OPALIN: variants seen among roughly 807,000 people sequenced by gnomAD.
OPALIN encodes transmembrane protein 10.
OPALIN carries 15 observed loss-of-function variants against 17.8 expected under a neutral mutation model. That is an observed-to-expected ratio of 0.84 (90% confidence interval 0.56 to 1.29). The LOEUF (loss-of-function observed/expected upper bound fraction) is 1.29. OPALIN is among the 50% of genes most tolerant of loss of function. OPALIN has a pLI of 0.00. For synonymous variants in OPALIN, 62 were observed against 63.8 expected, an observed-to-expected ratio of 0.97 and a Z score of 0.14; for missense variants, 170 against 176.0, an observed-to-expected ratio of 0.97 and a Z score of 0.19.
intron 1 of OPALIN, among the ~76,000 whole-genome samples, chr10:96,358,186 TAAAAAAAAAAAAAA>T (rs61616596): frequency 1.6e-5 from 1 of 61,590 alleles, no homozygotes; most frequent in African/African-American, 5.1e-5. Context: ...ATGCTTTTTG[TAAAAAAAAAAAAAA>T]AAAAAAAAAA....
intron 4 of OPALIN, 81 bp downstream of exon 4, chr10:96,349,626 T>C (rs1845486484): frequency 7.4e-6 from 11 of 1,481,188 alleles, no homozygotes; most frequent in Non-Finnish European, 1.0e-5. Flanking sequence ...CCCTGAATTC[T>C]GACACCCTTA....
chr10:96,353,060 A>G (rs930935803), intron 2 of OPALIN, among the ~76,000 whole-genome samples: 35 of 152,194 alleles, frequency 2.3e-4, no homozygotes, highest in African/African-American at 8.2e-4. Context: ...CATTTTACAG[A>G]TGAGAGGAGC....
rs1417291331 is a variant in OPALIN at position 96,344,461 on chromosome 10, A to G, written c.*1480T>C. On this transcript the variant is annotated 3_prime_UTR_variant, in exon 6 of 6. Coordinates refer to ENST00000371172, the MANE Select transcript of OPALIN (RefSeq NM_033207.5). ...GCAAAAGAAGAGTACAGAAGAAAAA[A>G]AAAAAAGGCTGGGGATGGATTGGAA... The G allele has an allele frequency of 1.3e-5, 1 of 78,846 alleles. No homozygotes were observed. The highest frequency in any genetic ancestry group is 4.2e-5 in the Non-Finnish European group (1 of 23,784). The allele number at this position is 78,846 out of a possible 1,614,324, so 4.9% of individuals were successfully genotyped here.
chr10:96,358,473 G>A (rs74624969), intron 1 of OPALIN, among the ~76,000 whole-genome samples: 1,851 of 152,204 alleles, frequency 0.012, 19 homozygotes, highest in Non-Finnish European at 0.019. Flanking sequence ...TTCTAACTTA[G>A]CAAACTTCAT....
chr10:96,347,218 C>T (rs759880189), intron 5 of OPALIN, among the ~76,000 whole-genome samples: 50 of 151,724 alleles, frequency 3.3e-4, no homozygotes, highest in Middle Eastern at 3.4e-3. Flanking sequence ...CAGCCCCCCA[C>T]GAAGTAGCTG....
rs759209578 is a variant in OPALIN, at chr10:96,355,236, T to C, written c.39+19A>G. The C allele has an allele frequency of 1.2e-6, 2 of 1,605,920 alleles. No individual in the cohort carries two copies. Among genetic ancestry groups the C allele is most frequent in the Non-Finnish European group, 1.7e-6 (2 of 1,175,620 alleles). On this transcript the variant is annotated intron_variant, in intron 2 of 5. Coordinates refer to ENST00000371172, the MANE Select transcript of OPALIN (RefSeq NM_033207.5). ...GGTCTTCTCTGCGTTGCCTGGTGAA[T>C]GGGGGCTGCTGTACTTACTGTGTTC...
Position 96,345,935 on chromosome 10 carries a change from G to GC in OPALIN, c.*5dup. 1 of 1,613,784 alleles carries GC rather than the reference G, an allele frequency of 6.2e-7. No individual in the cohort carries two copies. The highest frequency in any genetic ancestry group is 2.2e-5 in the East Asian group (1 of 44,878). On this transcript the variant is annotated 3_prime_UTR_variant, in exon 6 of 6. Transcript: ENST00000371172. ...GCCAGGTCTGCTGCTCCTTGACTGA[G>GC]CTGCATCATTCCAGGCTCAGTCTGG... is the stretch of plus-strand genomic sequence containing the variant.
At chr10:96,348,713 G>T (rs997590687) in intron 4 of OPALIN, among the ~76,000 whole-genome samples, 9 of 152,142 alleles carry the variant, frequency 5.9e-5, no homozygotes, top group African/African-American at 2.2e-4. Context: ...TTGTCATCCA[G>T]AAATTCTGAT....
intron 5 of OPALIN, among the ~76,000 whole-genome samples, chr10:96,346,789 A>G (rs889441405): frequency 6.6e-6 from 1 of 152,110 alleles, no homozygotes; most frequent in Non-Finnish European, 1.5e-5. Flanking sequence ...ATAGTATGCA[A>G]CCCCCATTAT....
chr10:96,348,175 G>T, intron 5 of OPALIN, 114 bp downstream of exon 5: 1 of 471,026 alleles, frequency 2.1e-6, no homozygotes. Flanking sequence ...CTTCCTCTTG[G>T]TCATCTCTTT....
At chr10:96,349,865 A>G in intron 3 of OPALIN, 39 bp from the exon 4 acceptor site, 1 of 1,559,336 alleles carries the variant, frequency 6.4e-7, no homozygotes, top group Non-Finnish European at 8.6e-7. Context: ...GAGGAAGCCC[A>G]GAGTCTTCAA....
chr10:96,354,039 C>T lies in OPALIN; in HGVS notation c.39+1216G>A, dbSNP rs150450523. ...CCCCCATGTTTCAGTAAAATGAGCA[C>T]TGGCTTAGGAGTCCTCTTACGAGTA... On this transcript the variant is annotated intron_variant, in intron 2 of 5. Transcript: ENST00000371172. Among the ~76,000 whole-genome samples the T allele has an allele frequency of 7.0e-4, 106 of 152,292 alleles. 2 individuals are homozygous for T. In the East Asian group the frequency reaches 0.018, roughly 26 times the overall value.
At chr10:96,351,024 T>C (rs1184645235) in intron 3 of OPALIN, among the ~76,000 whole-genome samples, 1 of 152,204 alleles carries the variant, frequency 6.6e-6, no homozygotes, top group Admixed American at 6.5e-5. Flanking sequence ...AAACAGAACA[T>C]TAGCAGTATC....
Position 96,345,098 on chromosome 10 carries a change from C to T in OPALIN, c.*843G>A, listed in dbSNP as rs1321811773. ...GGAGAAAGTTTGTCCTAAATGTTCC[C>T]TTGTGTGGCCCTGTGACTATGGGGA... On this transcript the variant is annotated 3_prime_UTR_variant, in exon 6 of 6. Coordinates refer to ENST00000371172, the MANE Select transcript of OPALIN (RefSeq NM_033207.5). 6.6e-6 allele frequency: 1 copy of T among 152,162 alleles called. No homozygotes were observed. Among genetic ancestry groups the T allele is most frequent in the East Asian group, 1.9e-4 (1 of 5,198 alleles). 9.4% of individuals were successfully genotyped at this position (152,162 alleles called of 1,614,324 possible).
intron 2 of OPALIN, among the ~76,000 whole-genome samples, chr10:96,354,048 G>C (rs937011936): frequency 6.6e-6 from 1 of 152,292 alleles, no homozygotes. Flanking sequence ...ACTGGCTTAG[G>C]AGTCCTCTTA....
At chr10:96,354,907 C>T (rs565601022) in intron 2 of OPALIN, among the ~76,000 whole-genome samples, 1 of 151,696 alleles carries the variant, frequency 6.6e-6, no homozygotes, top group Non-Finnish European at 1.5e-5. Context: ...ACCAGCCTGG[C>T]CAACATGGCA....
At chr10:96,348,192 T>C (rs949723556) in intron 5 of OPALIN, 97 bp downstream of exon 5, 2 of 539,062 alleles carry the variant, frequency 3.7e-6, no homozygotes, top group Admixed American at 3.1e-5. Context: ...CTTTTCTACA[T>C]GTGCTCATAC....
intron 3 of OPALIN, among the ~76,000 whole-genome samples, chr10:96,350,219 C>CT (rs1366528429): frequency 0.014 from 2,129 of 149,752 alleles, 38 homozygotes; most frequent in African/African-American, 0.048. Flanking sequence ...ATACACCACA[C>CT]TTTTTTTTTT....
At position 96,348,276 on chromosome 10, in the gene OPALIN, C is replaced by T. The variant is rs761144320; in HGVS notation, c.249+13G>A. 1.4e-6 allele frequency: 2 copies of T among 1,433,204 alleles called. No homozygotes were observed. Among genetic ancestry groups the T allele is most frequent in the Non-Finnish European group, 2.0e-6 (2 of 1,020,594 alleles). 88.8% of individuals were successfully genotyped at this position (1,433,204 alleles called of 1,614,324 possible). On this transcript the variant is annotated intron_variant, in intron 5 of 5. Transcript: ENST00000371172. The stretch of plus-strand genomic sequence containing the variant: ...GTGAATGGTATATAGAGAGTATAAC[C>T]AAGAGTTCTTACCTCAGATATCTTG...
Sources: gnomAD v4.1 joint callset for allele counts (sites outside exome capture counted in the v4.1 genomes callset) on GRCh38, gnomAD v4.1.1 for gene constraint, MANE v1.5 for transcripts, NCBI Gene and HGNC (gene_info 2026-07-23, HGNC 2026-07-21) for gene names.